The following ASIC2 variants were observed in gnomAD, a reference collection of about 807,000 sequenced individuals.
ASIC2 encodes the protein acid sensing ion channel subunit 2.
In ASIC2, 25 loss-of-function variants were observed where a neutral mutation model predicts 57.3. That is an observed-to-expected ratio of 0.44 (90% CI 0.32 to 0.61). The LOEUF (loss-of-function observed/expected upper bound fraction) is 0.61, where lower values mean the gene tolerates loss of function less well. ASIC2 is among the 20% of genes least tolerant of loss of function. The pLI is 0.06. For synonymous variants in ASIC2, 319 were observed against 307.5 expected (o/e 1.04, Z -0.39); for missense variants, 641 against 738.1 (o/e 0.87, Z 1.52).
At chr17:33,915,103 T>C (rs1915556437) in intron 1 of ASIC2, among the ~76,000 whole-genome samples, 1 of 152,128 alleles carries the variant, frequency 6.6e-6, no homozygotes, top group Non-Finnish European at 1.5e-5. Flanking sequence ...GTCAAGGGCA[T>C]CAGCAATGAA....
rs60183644 is a variant in ASIC2, at chr17:33,032,440, G to GTTTTTTTTTTTT, written c.988-4060_988-4049dup. Among the ~76,000 whole-genome samples the GTTTTTTTTTTTT allele has an allele frequency of 3.2e-4, 30 of 94,118 alleles. 7 individuals are homozygous for GTTTTTTTTTTTT. The highest frequency in any genetic ancestry group is 1.2e-3 in the African/African-American group (26 of 21,324). 61.7% of individuals were successfully genotyped at this position (94,118 alleles called of 152,430 possible). On this transcript the variant is annotated intron_variant, in intron 3 of 9. Coordinates refer to ENST00000225823, the MANE Select transcript of ASIC2 (RefSeq NM_183377.2). ...TCTGTTATAAGCACTATAATACACT[G>GTTTTTTTTTTTT]TTTTTTTTTTTTTTTTTTTTTTTTT...
chr17:33,963,146 G>A lies in ASIC2; in HGVS notation c.555+192832C>T, dbSNP rs1362335471. 2.0e-5 allele frequency among the ~76,000 whole-genome samples: 3 copies of A among 152,134 alleles called. No homozygotes were observed. In the East Asian group the frequency reaches 5.8e-4, roughly 29 times the overall value. On this transcript the variant is annotated intron_variant, in intron 1 of 9. Transcript: ENST00000359872. ...CCCCAGGGTTGCACAGCTCATAACTGCAGGAGTCAGGCTTCCAACCTGGAC... is the reference window on the plus strand; with the variant it reads ...CCCCAGGGTTGCACAGCTCATAACTACAGGAGTCAGGCTTCCAACCTGGAC...
chr17:33,820,823 C>G (rs183269480), intron 1 of ASIC2, among the ~76,000 whole-genome samples: 12 of 152,118 alleles, frequency 7.9e-5, no homozygotes, highest in Non-Finnish European at 1.3e-4. Flanking sequence ...ACTACTGGTG[C>G]GTGTCATCAT....
chr17:33,265,663 A>G (rs572728533), intron 1 of ASIC2, among the ~76,000 whole-genome samples: 2 of 152,326 alleles, frequency 1.3e-5, no homozygotes, highest in African/African-American at 4.8e-5. Context: ...GGAATGTAAA[A>G]TAAAATAAAA....
At chr17:33,385,221 G>A (rs1236597968) in intron 1 of ASIC2, among the ~76,000 whole-genome samples, 1 of 152,216 alleles carries the variant, frequency 6.6e-6, no homozygotes, top group Non-Finnish European at 1.5e-5. Flanking sequence ...AGACTGAATA[G>A]ACTATCTTTG....
intron 1 of ASIC2, among the ~76,000 whole-genome samples, chr17:33,706,784 C>A (rs899056674): frequency 8.5e-5 from 13 of 152,290 alleles, no homozygotes; most frequent in Admixed American, 5.9e-4. Flanking sequence ...ATTCTGCCCC[C>A]ACCTGGGAAA....
intron 1 of ASIC2, among the ~76,000 whole-genome samples, chr17:33,200,625 C>T (rs1906820546): frequency 1.3e-5 from 2 of 152,212 alleles, no homozygotes; most frequent in Admixed American, 1.3e-4. Flanking sequence ...ATTCTGTTGG[C>T]TCTAGCCTCA....
chr17:33,747,700 T>C (rs745426461), intron 1 of ASIC2, among the ~76,000 whole-genome samples: 7 of 152,136 alleles, frequency 4.6e-5, no homozygotes, highest in Non-Finnish European at 7.4e-5. Context: ...CCACAGAATG[T>C]GAGATTTGCA....
At chr17:33,369,757 G>A (rs115023097) in intron 1 of ASIC2, among the ~76,000 whole-genome samples, 140 of 152,302 alleles carry the variant, frequency 9.2e-4, no homozygotes, top group African/African-American at 3.3e-3. Flanking sequence ...TTCCGGTGCT[G>A]AAGCCAATAT....
At chr17:33,169,270 AC>A (rs111411921) in intron 1 of ASIC2, among the ~76,000 whole-genome samples, 1,617 of 152,254 alleles carry the variant, frequency 0.011, 31 homozygotes, top group African/African-American at 0.037. Flanking sequence ...GGCTTCCTCC[AC>A]CTAGATTTCC....
At chr17:33,820,065 A>G (rs1390785969) in intron 1 of ASIC2, among the ~76,000 whole-genome samples, 2 of 152,202 alleles carry the variant, frequency 1.3e-5, no homozygotes, top group Admixed American at 6.5e-5. Flanking sequence ...CAGCTGCCCA[A>G]TATGGCAACT....
chr17:33,513,927 C>T (rs187286494), intron 1 of ASIC2, among the ~76,000 whole-genome samples: 77 of 152,348 alleles, frequency 5.1e-4, no homozygotes, highest in South Asian at 1.2e-3. Flanking sequence ...TGACCTTAGA[C>T]GCCATCATAG....
chr17:33,018,842 TG>T (rs2091821581), intron 7 of ASIC2, among the ~76,000 whole-genome samples: 1 of 151,126 alleles, frequency 6.6e-6, no homozygotes. Flanking sequence ...GGGGCACAGT[TG>T]GGGGTGGCAG....
At chr17:33,365,367 G>A (rs1228635010) in intron 1 of ASIC2, among the ~76,000 whole-genome samples, 4 of 149,790 alleles carry the variant, frequency 2.7e-5, no homozygotes, top group Non-Finnish European at 1.5e-5. Flanking sequence ...AGCTCCTAGG[G>A]TAGTAACTGG....
intron 1 of ASIC2, among the ~76,000 whole-genome samples, chr17:33,341,699 C>G (rs1308202252): frequency 2.6e-5 from 4 of 152,174 alleles, no homozygotes; most frequent in Non-Finnish European, 5.9e-5. Context: ...GATCTTGAAG[C>G]CCAGAGTGGT....
intron 1 of ASIC2, among the ~76,000 whole-genome samples, chr17:33,301,686 T>C (rs781053093): frequency 3.7e-4 from 57 of 152,308 alleles, no homozygotes; most frequent in Admixed American, 1.4e-3. Flanking sequence ...GAAATGTTAA[T>C]TATTAAAAGG....
intron 1 of ASIC2, among the ~76,000 whole-genome samples, chr17:33,993,860 G>T (rs780327132): frequency 6.6e-6 from 1 of 152,070 alleles, no homozygotes; most frequent in Non-Finnish European, 1.5e-5. Context: ...TGCTGTGGAC[G>T]GGCTTTTTCA....
At chr17:33,472,735 C>T (rs1913095205) in intron 1 of ASIC2, among the ~76,000 whole-genome samples, 1 of 152,008 alleles carries the variant, frequency 6.6e-6, no homozygotes, top group Admixed American at 6.6e-5. Context: ...AGGAAGGAAA[C>T]AAGAAAACAT....
At chr17:33,780,461 T>C (rs1911416909) in intron 1 of ASIC2, among the ~76,000 whole-genome samples, 1 of 152,178 alleles carries the variant, frequency 6.6e-6, no homozygotes, top group Admixed American at 6.5e-5. Flanking sequence ...CCCATCCCTG[T>C]CTTGGGGAAA....
Sources: allele counts gnomAD v4.1 joint callset (sites outside exome capture counted in the v4.1 genomes callset), GRCh38; gene constraint gnomAD v4.1.1; transcripts MANE v1.5; gene names NCBI Gene and HGNC (gene_info 2026-07-23, HGNC 2026-07-21).